RB1CC1: variants seen among roughly 807,000 people sequenced by gnomAD.
RB1CC1 encodes RB1 inducible coiled-coil 1.
A neutral mutation model predicts 177.5 loss-of-function variants in RB1CC1; 46 were observed. The observed-to-expected ratio is 0.26, with a 90% CI of 0.20 to 0.33. The LOEUF (loss-of-function observed/expected upper bound fraction) is 0.33, where lower values mean the gene tolerates loss of function less well. RB1CC1 is among the 10% of genes least tolerant of loss of function. The pLI, the probability that RB1CC1 is intolerant of heterozygous loss-of-function variation, is 1.00. For missense variants in RB1CC1, 1,703 were observed against 1,816.3 expected (o/e 0.94, Z 1.13); for synonymous variants, 666 against 613.6 (o/e 1.09, Z -1.26).
intron 1 of RB1CC1, among the ~76,000 whole-genome samples, chr8:52,699,063 A>C (rs1855750605): frequency 1.3e-5 from 2 of 152,134 alleles, no homozygotes; most frequent in Admixed American, 6.5e-5. Flanking sequence ...AGCTAACCCT[A>C]ACCCAAAACA....
chr8:52,674,229 C>T lies in RB1CC1; in HGVS notation c.618G>A (p.Glu206=). 1 of 1,612,134 alleles carries T rather than the reference C, an allele frequency of 6.2e-7. No homozygotes were observed. The change falls in exon 7 of 24, where the codon GAG becomes GAA. Residue 206 remains glutamate (E), a synonymous_variant. Coordinates refer to ENST00000025008, the MANE Select transcript of RB1CC1 (RefSeq NM_014781.5). The part of the protein sequence containing the change: ...VSVMAKIPLL[E]CLTRHSYREC... ...CTCTGTAACTATGTCTGGTTAGGCA[C>T]TCCAACAGTGGAATCTTGGCCATTA...
rs1254029103 is a variant in RB1CC1, at chr8:52,657,311, T to C, written c.2518A>G (p.Thr840Ala). The C allele has an allele frequency of 1.2e-6, 2 of 1,611,524 alleles. No individual in the cohort carries two copies. The highest frequency in any genetic ancestry group is 1.7e-6 in the Non-Finnish European group (2 of 1,177,702). Residue 840 changes from threonine to alanine, a missense_variant, in exon 15 of 24, where the codon ACA becomes GCA. Thr to Ala is a moderately conservative substitution (Grantham distance 58). This residue lies in a region of RB1CC1 where 1,169 missense variants were observed against 1,184.7 expected (regional missense o/e 0.99). Transcript: ENST00000025008. ...ATAATGTTTCTTATTTCTACTGCTG[T>C]ACATTTTAATGAATTTGAGAAGTCA... ...QCDFSNSLKCTAVEIRNIIEK... is the reference protein window; with the variant it reads ...QCDFSNSLKCAAVEIRNIIEK...
rs143764265 is a variant in RB1CC1, at chr8:52,655,551, A to G, written c.3821+457T>C. Among the ~76,000 whole-genome samples, 444 of 152,234 alleles carry G rather than the reference A, an allele frequency of 2.9e-3. 1 individual carries two copies. Among genetic ancestry groups the G allele is most frequent in the South Asian group, 0.015 (70 of 4,826 alleles). Reference sequence around the variant, plus strand: ...GAAATAACTGAAACTGTATTAAGAAAATAACAATAAGGAACACTCTACATG... The same window carrying G: ...GAAATAACTGAAACTGTATTAAGAAGATAACAATAAGGAACACTCTACATG... On this transcript the variant is annotated intron_variant, in intron 15 of 23. Transcript: ENST00000025008.
Position 52,657,096 on chromosome 8 carries a change from ATTATCT to A in RB1CC1, c.2727_2732del (p.Lys909_Asp910del), listed in dbSNP as rs749227733. 2.5e-6 allele frequency: 4 copies of A among 1,610,144 alleles called. No individual in the cohort carries two copies. The highest frequency in any genetic ancestry group is 3.4e-6 in the Non-Finnish European group (4 of 1,178,934). ...TTTCATGTTTAACCAAAGCAAATTCATTATCTTTATTTTGTAAAACCTCCTCAAGGC... is the reference window on the plus strand; with the variant it reads ...TTTCATGTTTAACCAAAGCAAATTCATTATTTTGTAAAACCTCCTCAAGGC... On this transcript the variant is annotated inframe_deletion, in exon 15 of 24. Transcript: ENST00000025008.
chr8:52,653,680 C>A (rs191550781), intron 15 of RB1CC1, among the ~76,000 whole-genome samples: 22 of 152,208 alleles, frequency 1.4e-4, no homozygotes, highest in Non-Finnish European at 3.1e-4. Flanking sequence ...AGCTGAATAA[C>A]CCTTATCGGA....
intron 7 of RB1CC1, among the ~76,000 whole-genome samples, chr8:52,671,875 C>G (rs1165066837): frequency 6.6e-6 from 1 of 151,930 alleles, no homozygotes; most frequent in African/African-American, 2.4e-5. Context: ...AAAAAAAAAT[C>G]TAATGGGCAT....
At chr8:52,663,729 T>C (rs571981651) in intron 8 of RB1CC1, among the ~76,000 whole-genome samples, 1 of 152,274 alleles carries the variant, frequency 6.6e-6, no homozygotes, top group Non-Finnish European at 1.5e-5. Context: ...ATGAGACATC[T>C]GTAAATAAAA....
At chr8:52,680,343 G>T (rs751747713) in intron 5 of RB1CC1, among the ~76,000 whole-genome samples, 6 of 152,060 alleles carry the variant, frequency 3.9e-5, no homozygotes, top group Non-Finnish European at 8.8e-5. Context: ...AAGAAGACAC[G>T]GCTGAAAACA....
At chr8:52,667,314 T>C (rs1852154043) in intron 8 of RB1CC1, among the ~76,000 whole-genome samples, 1 of 152,198 alleles carries the variant, frequency 6.6e-6, no homozygotes, top group South Asian at 2.1e-4. Context: ...AAAGTTAATA[T>C]GGGGGATGTA....
chr8:52,655,336 G>A (rs114760429), intron 15 of RB1CC1, among the ~76,000 whole-genome samples: 90 of 152,214 alleles, frequency 5.9e-4, no homozygotes, highest in African/African-American at 2.0e-3. Context: ...TATTAATTAT[G>A]TTCTAGAAAC....
intron 12 of RB1CC1, among the ~76,000 whole-genome samples, chr8:52,659,367 G>T (rs1340463271): frequency 3.3e-5 from 5 of 151,930 alleles, no homozygotes; most frequent in Non-Finnish European, 1.5e-5. Flanking sequence ...ATGCACACAT[G>T]TATTTTTTTT....
At chr8:52,696,045 ATGGT>A (rs1855373055) in intron 1 of RB1CC1, among the ~76,000 whole-genome samples, 3 of 151,992 alleles carry the variant, frequency 2.0e-5, no homozygotes, top group Admixed American at 6.6e-5. Flanking sequence ...CACTCATACT[ATGGT>A]TTTTTTGTTT....
At chr8:52,625,344 A>G (rs987074077) in intron 22 of RB1CC1, among the ~76,000 whole-genome samples, 1 of 152,158 alleles carries the variant, frequency 6.6e-6, no homozygotes, top group Non-Finnish European at 1.5e-5. Flanking sequence ...AAAAAATTCT[A>G]GAAGGGCAGT....
chr8:52,696,653 C>T (rs1319328673), intron 1 of RB1CC1, among the ~76,000 whole-genome samples: 1 of 152,094 alleles, frequency 6.6e-6, no homozygotes, highest in African/African-American at 2.4e-5. Context: ...TAAGATAGAA[C>T]CCATGATAAA....
intron 1 of RB1CC1, 122 bp downstream of exon 1, chr8:52,713,953 G>C (rs1330410654): frequency 4.8e-6 from 1 of 209,860 alleles, no homozygotes; most frequent in Non-Finnish European, 1.0e-5. Flanking sequence ...ACACCTGCGC[G>C]TGGGCCGGGC....
At position 52,661,727 on chromosome 8, in the gene RB1CC1, A is replaced by G. The variant is rs773583733; in HGVS notation, c.1174-8T>C. The G allele has an allele frequency of 3.3e-5, 50 of 1,523,834 alleles. No homozygotes were observed. In the Admixed American group the frequency reaches 4.9e-4, roughly 15 times the overall value. The allele number at this position is 1,523,834 out of a possible 1,614,324, so 94.4% of individuals were successfully genotyped here. A position where few individuals can be genotyped will look rare whatever the true frequency, so the allele number is the denominator to read the frequency against. On this transcript the variant is annotated splice_region_variant and splice_polypyrimidine_tract_variant and intron_variant, in intron 8 of 23. Transcript: ENST00000025008. ...CTGATTAGCTAAAAATCCCTTTGAG[A>G]AAAAAAATGTTTCAAAGGACATTAA...
intron 7 of RB1CC1, among the ~76,000 whole-genome samples, chr8:52,673,074 TCC>T (rs1350082881): frequency 6.6e-6 from 1 of 152,198 alleles, no homozygotes; most frequent in East Asian, 1.9e-4. Context: ...TTTTTAGGCA[TCC>T]CAGACAATGT....
chr8:52,646,795 C>T (rs1281521663), intron 15 of RB1CC1, among the ~76,000 whole-genome samples: 2 of 152,148 alleles, frequency 1.3e-5, no homozygotes, highest in African/African-American at 4.8e-5. Flanking sequence ...ATTAATAACT[C>T]ATTAACTTCT....
At position 52,630,452 on chromosome 8, in the gene RB1CC1, C is replaced by T. The variant is rs1848675866; in HGVS notation, c.4499+18G>A. 1.3e-6 allele frequency: 2 copies of T among 1,551,012 alleles called. No homozygotes were observed. Among genetic ancestry groups the T allele is most frequent in the African/African-American group, 1.4e-5 (1 of 71,058 alleles). On this transcript the variant is annotated intron_variant, in intron 21 of 23. Coordinates refer to ENST00000025008, the MANE Select transcript of RB1CC1 (RefSeq NM_014781.5). ...AATGTTTTTCACAGAAAAATACTCACAAAACTAAAATACTTACTCTCTAAT... is the reference window on the plus strand; with the variant it reads ...AATGTTTTTCACAGAAAAATACTCATAAAACTAAAATACTTACTCTCTAAT...
Sources: gnomAD v4.1 joint callset for allele counts (sites outside exome capture counted in the v4.1 genomes callset) on GRCh38, gnomAD v4.1.1 for gene constraint, gnomAD v4.1.1 regional missense constraint, MANE v1.5 for transcripts, NCBI Gene and HGNC (gene_info 2026-07-23, HGNC 2026-07-21) for gene names.